SEMA5A: variants seen among roughly 807,000 people sequenced by gnomAD.
SEMA5A encodes the protein semaphorin-5A.
In SEMA5A, 55 loss-of-function variants were observed where a neutral mutation model predicts 135.5. The ratio of observed to expected loss-of-function variants is 0.41; its 90% CI spans 0.33 to 0.51. The LOEUF (loss-of-function observed/expected upper bound fraction) is 0.51. Among genes scored for constraint, SEMA5A ranks in the 20% least tolerant of loss-of-function variants. SEMA5A has a pLI of 0.37. For missense variants in SEMA5A, 1,290 were observed against 1,419.9 expected, an observed-to-expected ratio of 0.91 and a Z score of 1.47; for synonymous variants, 580 against 546.5, an observed-to-expected ratio of 1.06 and a Z score of -0.85.
Position 9,102,124 on chromosome 5 carries a change from T to C in SEMA5A, c.2073+6016A>G, listed in dbSNP as rs73045611. On this transcript the variant is annotated intron_variant, in intron 16 of 22. Coordinates refer to ENST00000382496, the MANE Select transcript of SEMA5A (RefSeq NM_003966.3). ...AAAATGAGGAAACACCAAATATGAATACAAAGGGAACTAACGATTACAAAC... is the reference window on the plus strand; with the variant it reads ...AAAATGAGGAAACACCAAATATGAACACAAAGGGAACTAACGATTACAAAC... Among the ~76,000 whole-genome samples, 293 of 152,238 alleles carry C rather than the reference T, an allele frequency of 1.9e-3. 1 individual carries two copies. Among genetic ancestry groups the C allele is most frequent in the African/African-American group, 6.7e-3 (279 of 41,546 alleles).
At chr5:9,185,266 T>C (rs1017768425) in intron 11 of SEMA5A, among the ~76,000 whole-genome samples, 1 of 152,160 alleles carries the variant, frequency 6.6e-6, no homozygotes, top group Non-Finnish European at 1.5e-5. Context: ...CATTCCACAA[T>C]ACAATTAACC....
intron 1 of SEMA5A, among the ~76,000 whole-genome samples, chr5:9,475,089 G>A (rs1398561276): frequency 1.3e-5 from 2 of 152,214 alleles, no homozygotes; most frequent in African/African-American, 4.8e-5. Context: ...TTATAGACAT[G>A]CACCACCTAC....
chr5:9,207,466 T>A (rs1746095474), intron 8 of SEMA5A, among the ~76,000 whole-genome samples: 1 of 152,172 alleles, frequency 6.6e-6, no homozygotes, highest in Non-Finnish European at 1.5e-5. Context: ...ATTATAGGCA[T>A]GAGCCACTGC....
chr5:9,528,683 C>A (rs1218897771), intron 1 of SEMA5A, among the ~76,000 whole-genome samples: 1 of 152,092 alleles, frequency 6.6e-6, no homozygotes, highest in Non-Finnish European at 1.5e-5. Context: ...GCATGAGGCC[C>A]AAGGAGAACC....
chr5:9,142,226 G>T (rs1404425137), intron 12 of SEMA5A, among the ~76,000 whole-genome samples: 4 of 152,228 alleles, frequency 2.6e-5, no homozygotes, highest in African/African-American at 9.6e-5. Flanking sequence ...CCTTGGATGA[G>T]AGGATATGTA....
chr5:9,323,454 ATT>A (rs528502327), intron 4 of SEMA5A, among the ~76,000 whole-genome samples: 92 of 150,930 alleles, frequency 6.1e-4, no homozygotes, highest in Non-Finnish European at 1.0e-3. Flanking sequence ...GTACTTATGT[ATT>A]TGTTAATAAA....
intron 1 of SEMA5A, among the ~76,000 whole-genome samples, chr5:9,528,468 C>T (rs1737258913): frequency 6.6e-6 from 1 of 152,232 alleles, no homozygotes; most frequent in African/African-American, 2.4e-5. Flanking sequence ...TGCTTTGCCA[C>T]TTGCCTGTCC....
intron 3 of SEMA5A, among the ~76,000 whole-genome samples, chr5:9,375,402 A>G (rs1219172819): frequency 1.3e-5 from 2 of 152,020 alleles, no homozygotes; most frequent in African/African-American, 4.8e-5. Context: ...ATACCATGAG[A>G]CTACAGACTA....
At chr5:9,356,806 A>T (rs1754469064) in intron 3 of SEMA5A, among the ~76,000 whole-genome samples, 1 of 152,206 alleles carries the variant, frequency 6.6e-6, no homozygotes, top group Admixed American at 6.5e-5. Flanking sequence ...ATTACAAGTG[A>T]CCCATCAAAT....
intron 1 of SEMA5A, among the ~76,000 whole-genome samples, chr5:9,544,831 G>T (rs1045846823): frequency 1.3e-5 from 2 of 152,198 alleles, no homozygotes; most frequent in African/African-American, 4.8e-5. Flanking sequence ...CGAGCCGGGG[G>T]AATCACTCCT....
chr5:9,359,778 CAA>C (rs889173824), intron 3 of SEMA5A, among the ~76,000 whole-genome samples: 6 of 151,990 alleles, frequency 3.9e-5, no homozygotes, highest in Admixed American at 3.9e-4. Flanking sequence ...AGAGGAAAAA[CAA>C]AGAAACAAAA....
chr5:9,493,827 G>C (rs1735161543), intron 1 of SEMA5A, among the ~76,000 whole-genome samples: 1 of 152,116 alleles, frequency 6.6e-6, no homozygotes, highest in South Asian at 2.1e-4. Flanking sequence ...TCAGAACCGA[G>C]CTTTACAGAA....
chr5:9,477,022 C>T lies in SEMA5A; in HGVS notation c.-174-39170G>A, dbSNP rs183492138. 3.2e-3 allele frequency among the ~76,000 whole-genome samples: 494 copies of T among 152,174 alleles called. 2 individuals are homozygous for T. The South Asian group carries it at 0.042, about 13-fold the overall frequency. On this transcript the variant is annotated intron_variant, in intron 1 of 22. Transcript: ENST00000382496. ...CCCCATATATCAAGGGAGGGAGGAA[C>T]CTGGTAGGAGATGATTGGATCCTGG...
At chr5:9,185,463 G>T (rs2928248) in intron 11 of SEMA5A, among the ~76,000 whole-genome samples, 26 of 152,078 alleles carry the variant, frequency 1.7e-4, no homozygotes, top group Non-Finnish European at 3.1e-4. Flanking sequence ...TTCAAAATGT[G>T]TGTGTGTATG....
At chr5:9,250,795 A>G (rs1748732731) in intron 5 of SEMA5A, among the ~76,000 whole-genome samples, 1 of 152,236 alleles carries the variant, frequency 6.6e-6, no homozygotes, top group Admixed American at 6.5e-5. Flanking sequence ...AAAATGAGAG[A>G]AAACTTACAA....
intron 1 of SEMA5A, among the ~76,000 whole-genome samples, chr5:9,477,113 T>TTCTC (rs145236684): frequency 6.7e-6 from 1 of 148,636 alleles, no homozygotes; most frequent in East Asian, 2.0e-4. Context: ...CTCCTTCTCA[T>TTCTC]TCTCTCTCTC....
intron 2 of SEMA5A, among the ~76,000 whole-genome samples, chr5:9,411,528 T>G (rs1488898481): frequency 6.6e-6 from 1 of 152,196 alleles, no homozygotes; most frequent in Admixed American, 6.5e-5. Context: ...ATTTGTAGAC[T>G]GATAGTCCAG....
intron 8 of SEMA5A, among the ~76,000 whole-genome samples, chr5:9,221,526 T>G (rs1228495914): frequency 2.6e-5 from 4 of 151,880 alleles, no homozygotes; most frequent in Non-Finnish European, 4.4e-5. Context: ...ATGGTCTCGA[T>G]CTCCTGACCT....
chr5:9,534,025 G>A (rs1048603648), intron 1 of SEMA5A, among the ~76,000 whole-genome samples: 6 of 152,174 alleles, frequency 3.9e-5, no homozygotes, highest in South Asian at 2.1e-4. Context: ...AGATAAAAGC[G>A]AGTGACCCTA....
Sources: gnomAD v4.1 joint callset for allele counts (sites outside exome capture counted in the v4.1 genomes callset) on GRCh38, gnomAD v4.1.1 for gene constraint, MANE v1.5 for transcripts, NCBI Gene and HGNC (gene_info 2026-07-23, HGNC 2026-07-21) for gene names.